The following VPS13B variants were observed in gnomAD, a reference collection of about 807,000 sequenced individuals.
VPS13B encodes the protein intermembrane lipid transfer protein VPS13B.
VPS13B carries 285 observed loss-of-function variants against 426.4 expected under a neutral mutation model. The observed-to-expected ratio is 0.67, with a 90% CI of 0.61 to 0.74. The LOEUF is 0.74. VPS13B is among the 30% of genes least tolerant of loss of function. The pLI is 0.00. For synonymous variants in VPS13B, 1,676 were observed against 1,676.4 expected (o/e 1.00, Z 0.01); for missense variants, 4,537 against 4,782.6 (o/e 0.95, Z 1.51).
At chr8:99,356,827 T>C (rs1178850209) in intron 19 of VPS13B, among the ~76,000 whole-genome samples, 2 of 152,234 alleles carry the variant, frequency 1.3e-5, no homozygotes, top group African/African-American at 4.8e-5. Context: ...ACTTATAGAC[T>C]GAATACTTTC....
chr8:99,189,095 T>C (rs546293054), intron 16 of VPS13B, among the ~76,000 whole-genome samples: 1 of 152,180 alleles, frequency 6.6e-6, no homozygotes, highest in African/African-American at 2.4e-5. Flanking sequence ...GAGAGGGGGT[T>C]TCATCATGTT....
intron 20 of VPS13B, among the ~76,000 whole-genome samples, chr8:99,388,863 A>C (rs1814270386): frequency 6.6e-6 from 1 of 152,248 alleles, no homozygotes; most frequent in South Asian, 2.1e-4. Flanking sequence ...AAATACACTC[A>C]GAGTTGACTG....
At chr8:99,730,687 G>T (rs1379761984) in intron 39 of VPS13B, among the ~76,000 whole-genome samples, 1 of 150,998 alleles carries the variant, frequency 6.6e-6, no homozygotes, top group Non-Finnish European at 1.5e-5. Flanking sequence ...GTAGGTACAG[G>T]TACAGGTACC....
At chr8:99,269,658 T>C (rs11984531) in intron 17 of VPS13B, among the ~76,000 whole-genome samples, 10,092 of 152,260 alleles carry the variant, frequency 0.066, 450 homozygotes, top group African/African-American at 0.12. Flanking sequence ...TTATTTGCTC[T>C]TTTTGTTTCA....
At chr8:99,344,744 T>G (rs1477188016) in intron 19 of VPS13B, among the ~76,000 whole-genome samples, 1 of 152,096 alleles carries the variant, frequency 6.6e-6, no homozygotes, top group Non-Finnish European at 1.5e-5. Context: ...TTTTTTCTTC[T>G]CATTGGTTTG....
intron 19 of VPS13B, chr8:99,340,355 C>G: frequency 2.5e-6 from 1 of 394,426 alleles, no homozygotes; most frequent in South Asian, 2.1e-5. Flanking sequence ...TCATAGGCAG[C>G]AACATAAGCC....
intron 35 of VPS13B, among the ~76,000 whole-genome samples, chr8:99,677,680 G>A (rs1480360905): frequency 6.6e-6 from 1 of 152,166 alleles, no homozygotes; most frequent in African/African-American, 2.4e-5. Context: ...AGTTGGCAGG[G>A]AGGTAGGGGG....
chr8:99,146,653 G>A (rs1810741966), intron 13 of VPS13B, among the ~76,000 whole-genome samples: 1 of 152,218 alleles, frequency 6.6e-6, no homozygotes, highest in Admixed American at 6.5e-5. Flanking sequence ...GTTCACTGTA[G>A]CCTTGATATC....
At chr8:99,319,421 T>G (rs905802477) in intron 19 of VPS13B, among the ~76,000 whole-genome samples, 3 of 152,240 alleles carry the variant, frequency 2.0e-5, no homozygotes, top group African/African-American at 7.2e-5. Flanking sequence ...TGTATTTAGA[T>G]GTAAAATTGA....
In VPS13B at chr8:99,576,570, C is replaced by T. The variant is rs530099032; in HGVS notation, c.5076+786C>T. Among the ~76,000 whole-genome samples, 7 of 152,152 alleles carry T rather than the reference C, an allele frequency of 4.6e-5. No individual in the cohort carries two copies. In the South Asian group the frequency reaches 1.5e-3, roughly 32 times the overall value. On this transcript the variant is annotated intron_variant, in intron 32 of 61. Coordinates refer to ENST00000357162, the MANE Select transcript of VPS13B (RefSeq NM_152564.5). ...TTTATTAAAAGCTGCTCTAAGCTGTCTCATTTGCATTTGGACTAGTCATAG... is the reference window on the plus strand; with the variant it reads ...TTTATTAAAAGCTGCTCTAAGCTGTTTCATTTGCATTTGGACTAGTCATAG...
At chr8:99,629,527 A>G (rs1828751808) in intron 33 of VPS13B, among the ~76,000 whole-genome samples, 1 of 152,206 alleles carries the variant, frequency 6.6e-6, no homozygotes. Flanking sequence ...GAGAGCAGTT[A>G]TTGTGGGCTC....
intron 15 of VPS13B, among the ~76,000 whole-genome samples, chr8:99,161,321 G>T (rs1811637317): frequency 6.6e-6 from 1 of 151,848 alleles, no homozygotes; most frequent in Admixed American, 6.6e-5. Flanking sequence ...TGCAAATATT[G>T]GTTAACATGC....
intron 3 of VPS13B, among the ~76,000 whole-genome samples, chr8:99,072,707 G>C (rs960948895): frequency 3.3e-5 from 5 of 152,124 alleles, no homozygotes; most frequent in Admixed American, 6.5e-5. Context: ...TTTTCTTTTA[G>C]TTTTAATAGT....
chr8:99,400,474 C>T (rs961647839), intron 21 of VPS13B, among the ~76,000 whole-genome samples: 13 of 152,120 alleles, frequency 8.5e-5, no homozygotes, highest in Admixed American at 5.2e-4. Context: ...TCTTAGTGCA[C>T]GCCTACCAGT....
At position 99,835,221 on chromosome 8, in the gene VPS13B, A is replaced by G. The variant is rs777215830; in HGVS notation, c.9639A>G (p.Glu3213=). 3.1e-6 allele frequency: 5 copies of G among 1,613,920 alleles called. No homozygotes were observed. The highest frequency in any genetic ancestry group is 1.7e-6 in the Non-Finnish European group (2 of 1,179,986). The change falls in exon 53 of 62, where the codon GAA becomes GAG. Residue 3213 remains glutamate, a synonymous_variant. Transcript: ENST00000357162. The part of the protein sequence containing the change: ...CTRAIVLTYQ[E]HLGVTYLTLS... Reference sequence around the variant, plus strand: ...GGGCTATAGTGCTGACATATCAAGAACACCTCGGAGTGACTTATTTAACCC... The same window carrying G: ...GGGCTATAGTGCTGACATATCAAGAGCACCTCGGAGTGACTTATTTAACCC...
chr8:99,621,690 A>C (rs555414135), intron 33 of VPS13B, among the ~76,000 whole-genome samples: 2 of 152,264 alleles, frequency 1.3e-5, no homozygotes, highest in South Asian at 2.1e-4. Context: ...AGCTCTTAGA[A>C]AGGCATGGGC....
chr8:99,419,046 C>T (rs1410458533), intron 21 of VPS13B, among the ~76,000 whole-genome samples: 2 of 152,314 alleles, frequency 1.3e-5, no homozygotes, highest in Middle Eastern at 3.4e-3. Context: ...TATGTGTCTT[C>T]ACCCAAATCT....
intron 6 of VPS13B, among the ~76,000 whole-genome samples, chr8:99,111,883 C>T (rs999789738): frequency 1.6e-4 from 25 of 152,080 alleles, no homozygotes; most frequent in African/African-American, 5.8e-4. Flanking sequence ...TGGGCTCCCA[C>T]TGATACCATC....
intron 22 of VPS13B, among the ~76,000 whole-genome samples, chr8:99,432,823 C>G (rs929036518): frequency 6.6e-6 from 1 of 151,794 alleles, no homozygotes; most frequent in African/African-American, 2.4e-5. Context: ...TGAAGAGGGT[C>G]GAAAATATAG....
Sources: gnomAD v4.1 joint callset for allele counts (sites outside exome capture counted in the v4.1 genomes callset) on GRCh38, gnomAD v4.1.1 for gene constraint, MANE v1.5 for transcripts, NCBI Gene and HGNC (gene_info 2026-07-23, HGNC 2026-07-21) for gene names.